Variants in FGF2 observed in about 807,000 individuals in gnomAD.
FGF2 encodes the protein basic fibroblast growth factor bFGF.
FGF2 carries 13 observed loss-of-function variants against 15.9 expected under a neutral mutation model. The ratio of observed to expected loss-of-function variants is 0.82; its 90% CI spans 0.53 to 1.30. FGF2 has a LOEUF of 1.30. FGF2 is among the 50% of genes most tolerant of loss of function. The probability of loss-of-function intolerance (pLI) is 0.00; values close to 1 mark genes in which losing one functional copy is unlikely to be tolerated. For synonymous variants in FGF2, 90 were observed against 78.4 expected, an observed-to-expected ratio of 1.15 and a Z score of -0.78; for missense variants, 163 against 196.9, an observed-to-expected ratio of 0.83 and a Z score of 1.03.
intron 1 of FGF2, among the ~76,000 whole-genome samples, chr4:122,866,773 A>T (rs777963074): frequency 6.6e-6 from 1 of 152,246 alleles, no homozygotes; most frequent in Non-Finnish European, 1.5e-5. Flanking sequence ...ACAGTCTGAC[A>T]GTTCCACAAA....
intron 1 of FGF2, among the ~76,000 whole-genome samples, chr4:122,847,642 TGTCTATCTA>T (rs1315608355): frequency 0.014 from 1,345 of 98,488 alleles, 16 homozygotes; most frequent in African/African-American, 0.099. Flanking sequence ...TCTATCTATC[TGTCTATCTA>T]ATCTATCTAT....
intron 1 of FGF2, among the ~76,000 whole-genome samples, chr4:122,852,434 G>A (rs1379605122): frequency 6.6e-6 from 1 of 152,160 alleles, no homozygotes; most frequent in Non-Finnish European, 1.5e-5. Flanking sequence ...TTTGCATCCT[G>A]TTTGCTAATA....
chr4:122,842,935 AT>A (rs763773158), intron 1 of FGF2, among the ~76,000 whole-genome samples: 2 of 152,226 alleles, frequency 1.3e-5, no homozygotes, highest in African/African-American at 2.4e-5. Context: ...GATCAAACAC[AT>A]TATACCTCAA....
chr4:122,832,892 A>G (rs1286840330), intron 1 of FGF2, among the ~76,000 whole-genome samples: 3 of 152,202 alleles, frequency 2.0e-5, no homozygotes, highest in African/African-American at 7.2e-5. Flanking sequence ...TAGGTTATGT[A>G]TAGCCACAGG....
At chr4:122,853,225 G>A (rs112738859) in intron 1 of FGF2, among the ~76,000 whole-genome samples, 4 of 152,312 alleles carry the variant, frequency 2.6e-5, no homozygotes, top group Non-Finnish European at 5.9e-5. Flanking sequence ...TGGAGCCAGG[G>A]AAGTTGAGGC....
intron 1 of FGF2, among the ~76,000 whole-genome samples, chr4:122,828,666 G>A (rs1472919342): frequency 1.3e-5 from 2 of 152,194 alleles, no homozygotes; most frequent in Non-Finnish European, 2.9e-5. Context: ...TATGAGCTGA[G>A]TCTTTATTGC....
intron 1 of FGF2, among the ~76,000 whole-genome samples, chr4:122,871,781 C>CA (rs55677162): frequency 0.081 from 7,620 of 94,234 alleles, 426 homozygotes; most frequent in African/African-American, 0.14. Flanking sequence ...CATTGAAAGA[C>CA]AAAAAAAAAA....
intron 1 of FGF2, among the ~76,000 whole-genome samples, chr4:122,871,866 G>A (rs1726743740): frequency 6.7e-6 from 1 of 150,316 alleles, no homozygotes; most frequent in Admixed American, 6.6e-5. Context: ...CCATTCAAGG[G>A]TCAGCAGCCT....
intron 1 of FGF2, among the ~76,000 whole-genome samples, chr4:122,839,403 G>A (rs1204103024): frequency 6.6e-6 from 1 of 152,086 alleles, no homozygotes; most frequent in African/African-American, 2.4e-5. Context: ...AAGCAGATGG[G>A]CTTGGGTTTA....
intron 1 of FGF2, among the ~76,000 whole-genome samples, chr4:122,855,551 G>C (rs189474509): frequency 1.6e-3 from 237 of 152,322 alleles, no homozygotes; most frequent in Admixed American, 3.0e-3. Context: ...TCAAAGGCCT[G>C]TCTGCTGCTG....
rs1727300196 is a variant in FGF2 at position 122,894,768 on chromosome 4, A to G, written c.*2372A>G. ...TTGAAAAATAATTATGGGGAAATAC[A>G]TGTTTGTTATTAAATTTATTATTAA... On this transcript the variant is annotated 3_prime_UTR_variant, in exon 3 of 3. Coordinates refer to ENST00000644866, the MANE Select transcript of FGF2 (RefSeq NM_001361665.2). 1 of 152,178 alleles carries G rather than the reference A, an allele frequency of 6.6e-6. No homozygotes were observed. The allele number at this position is 152,178 out of a possible 1,614,324, so 9.4% of individuals were successfully genotyped here.
rs1404669037 is a variant in FGF2, at chr4:122,895,391, G to A, written c.*2995G>A. 1 of 152,130 alleles carries A rather than the reference G, an allele frequency of 6.6e-6. No individual in the cohort carries two copies. Among genetic ancestry groups the A allele is most frequent in the Admixed American group, 6.5e-5 (1 of 15,268 alleles). 9.4% of individuals were successfully genotyped at this position (152,130 alleles called of 1,614,324 possible). ...TTAGTTACAGGACAATAATGAAATG[G>A]AGTTTATATTTGTTATTTCTATTTT... is the stretch of plus-strand genomic sequence containing the variant. On this transcript the variant is annotated 3_prime_UTR_variant, in exon 3 of 3. Transcript: ENST00000644866.
intron 2 of FGF2, among the ~76,000 whole-genome samples, chr4:122,880,957 G>A (rs923511917): frequency 2.6e-5 from 4 of 152,150 alleles, no homozygotes; most frequent in Admixed American, 6.5e-5. Context: ...GAAATCTAGC[G>A]GAGGTTCCTA....
chr4:122,878,384 A>G (rs1300907370), intron 2 of FGF2, among the ~76,000 whole-genome samples: 1 of 152,200 alleles, frequency 6.6e-6, no homozygotes, highest in East Asian at 1.9e-4. Context: ...TAACTCTAGG[A>G]CATAGGACAT....
At chr4:122,838,514 A>C (rs1725911167) in intron 1 of FGF2, among the ~76,000 whole-genome samples, 1 of 152,236 alleles carries the variant, frequency 6.6e-6, no homozygotes, top group South Asian at 2.1e-4. Flanking sequence ...TTTTCAAAAC[A>C]TGATCTCTTT....
At chr4:122,879,144 T>G (rs1386962700) in intron 2 of FGF2, among the ~76,000 whole-genome samples, 1 of 152,240 alleles carries the variant, frequency 6.6e-6, no homozygotes, top group African/African-American at 2.4e-5. Context: ...GACTTTCACT[T>G]CTTCTACTCT....
chr4:122,881,455 A>G (rs1726958851), intron 2 of FGF2, among the ~76,000 whole-genome samples: 1 of 152,146 alleles, frequency 6.6e-6, no homozygotes. Flanking sequence ...CTGCTTAAAC[A>G]TTTCTTCCGC....
Position 122,827,068 on chromosome 4 carries a change from G to T in FGF2, c.-107G>T. ...GGCGGGAGGCTGGGGGGCCGGGGCC[G>T]GGGCCGTGCCCCGGAGCGGGTCGGA... On this transcript the variant is annotated 5_prime_UTR_variant, in exon 1 of 3. Coordinates refer to ENST00000644866, the MANE Select transcript of FGF2 (RefSeq NM_001361665.2). This position sits in a 1 kb window ranked among gnomAD's most constrained non-coding sequence, Gnocchi z 4.2. The T allele has an allele frequency of 9.0e-7, 1 of 1,116,872 alleles. No homozygotes were observed. The highest frequency in any genetic ancestry group is 1.1e-6 in the Non-Finnish European group (1 of 915,300). 69.2% of individuals were successfully genotyped at this position (1,116,872 alleles called of 1,614,324 possible).
intron 2 of FGF2, among the ~76,000 whole-genome samples, chr4:122,889,444 A>C (rs372396415): frequency 6.6e-6 from 1 of 152,164 alleles, no homozygotes; most frequent in Non-Finnish European, 1.5e-5. Flanking sequence ...TAAAATTATA[A>C]TGCACCAGTT....
Sources: allele counts gnomAD v4.1 joint callset (sites outside exome capture counted in the v4.1 genomes callset), GRCh38; gene constraint gnomAD v4.1.1; non-coding constraint Gnocchi (gnomAD v3.1); transcripts MANE v1.5; gene names NCBI Gene and HGNC (gene_info 2026-07-23, HGNC 2026-07-21).